The following ATP8A2 variants were observed in gnomAD, a reference collection of about 807,000 sequenced individuals.
ATP8A2 encodes the protein phospholipid-transporting ATPase IB.
In ATP8A2, 100 loss-of-function variants were observed where a neutral mutation model predicts 165.6. The observed-to-expected ratio is 0.60, with a 90% confidence interval of 0.51 to 0.71. The LOEUF (loss-of-function observed/expected upper bound fraction) is 0.71, where lower values mean the gene tolerates loss of function less well. Among genes scored for constraint, ATP8A2 ranks in the 30% least tolerant of loss-of-function variants. ATP8A2 has a pLI of 0.00. For missense variants in ATP8A2, 1,227 were observed against 1,479.5 expected (o/e 0.83, Z 2.80); for synonymous variants, 543 against 548.8 (o/e 0.99, Z 0.15).
chr13:25,393,525 C>T (rs911649064), intron 1 of ATP8A2, among the ~76,000 whole-genome samples: 1 of 152,192 alleles, frequency 6.6e-6, no homozygotes, highest in Non-Finnish European at 1.5e-5. Flanking sequence ...AAGTGACTCT[C>T]CTGCCTCAGC....
rs6491088 is a variant in ATP8A2 at position 25,699,247 on chromosome 13, G to C, written c.2286G>C (p.Leu762=). The change falls in exon 25 of 37, where the codon CTG becomes CTC. Residue 762 remains leucine (L), a synonymous_variant. Coordinates refer to ENST00000381655, the MANE Select transcript of ATP8A2 (RefSeq NM_016529.6). ...NLLGKENDVA[L]IIDGHTLKYA... ...TGGGCAAGGAAAATGACGTGGCCCT[G>C]ATCATCGATGGCCACACCCTGAAGT... The C allele has an allele frequency of 1, 1,610,921 of 1,613,582 alleles. 804,172 individuals are homozygous for C. Among genetic ancestry groups the C allele is most frequent in the East Asian group, 1 (44,856 of 44,856 alleles).
intron 24 of ATP8A2, among the ~76,000 whole-genome samples, chr13:25,694,252 A>G (rs1395482999): frequency 2.0e-5 from 3 of 152,200 alleles, no homozygotes; most frequent in Non-Finnish European, 1.5e-5. Context: ...GCCACAGGCA[A>G]TGGGCTCCAC....
At chr13:26,010,082 A>C (rs1235860849) in intron 35 of ATP8A2, among the ~76,000 whole-genome samples, 1 of 152,146 alleles carries the variant, frequency 6.6e-6, no homozygotes, top group East Asian at 1.9e-4. Context: ...AAAAGAAAAA[A>C]ATTAATTATA....
At position 25,530,593 on chromosome 13, in the gene ATP8A2, A is replaced by G. The variant is rs1325926402; in HGVS notation, c.353A>G (p.Tyr118Cys). 5 of 1,590,946 alleles carry G rather than the reference A, an allele frequency of 3.1e-6. No homozygotes were observed. Among genetic ancestry groups the G allele is most frequent in the Non-Finnish European group, 3.4e-6 (4 of 1,165,406 alleles). ...QIPDVSPTGR[Y>C]TTLVPLIIIL... ...CCAGATGTATCTCCAACAGGAAGAT[A>G]TACCACCCTGGTGCCATTGATCATT... The change falls in exon 4 of 37, where the codon TAT becomes TGT. Residue 118 changes from tyrosine to cysteine, a missense_variant. Tyr to Cys is a radical substitution (Grantham distance 194). Transcript: ENST00000381655.
intron 2 of ATP8A2, among the ~76,000 whole-genome samples, chr13:25,513,981 AGAGGGGGAGGGG>A (rs1213398201): frequency 1.3e-3 from 72 of 54,878 alleles, no homozygotes; most frequent in Admixed American, 1.6e-3. Flanking sequence ...GGGGAGTGGG[AGAGGGGGAGGGG>A]GAGGGGGAGG....
At chr13:26,002,185 C>T (rs1956641207) in intron 35 of ATP8A2, among the ~76,000 whole-genome samples, 1 of 152,136 alleles carries the variant, frequency 6.6e-6, no homozygotes. Flanking sequence ...AAGTATATAA[C>T]ACATTATTAT....
intron 2 of ATP8A2, among the ~76,000 whole-genome samples, chr13:25,484,036 G>T (rs533904353): frequency 5.3e-5 from 8 of 152,288 alleles, no homozygotes; most frequent in Non-Finnish European, 1.0e-4. Flanking sequence ...AGGGTCTTTT[G>T]TACATATATG....
At chr13:25,431,906 C>G (rs1323754463) in intron 1 of ATP8A2, among the ~76,000 whole-genome samples, 1 of 152,122 alleles carries the variant, frequency 6.6e-6, no homozygotes, top group African/African-American at 2.4e-5. Flanking sequence ...TCCCTGTCTC[C>G]CAGCTCCTGA....
At chr13:25,888,068 A>ACC (rs71080210) in intron 33 of ATP8A2, among the ~76,000 whole-genome samples, 2,494 of 105,510 alleles carry the variant, frequency 0.024, 61 homozygotes, top group African/African-American at 0.035. Flanking sequence ...AAGAACCCAG[A>ACC]CCCCCCCCCC....
At chr13:25,866,816 C>T (rs894116421) in intron 33 of ATP8A2, among the ~76,000 whole-genome samples, 2 of 152,136 alleles carry the variant, frequency 1.3e-5, no homozygotes, top group African/African-American at 4.8e-5. Context: ...TGTTTTAGCT[C>T]CTGCTGGGTG....
At chr13:25,626,437 G>T (rs895077298) in intron 24 of ATP8A2, among the ~76,000 whole-genome samples, 1 of 152,168 alleles carries the variant, frequency 6.6e-6, no homozygotes, top group African/African-American at 2.4e-5. Flanking sequence ...CCATTGTAGG[G>T]GTCCCACCCT....
At position 26,010,156 on chromosome 13, in the gene ATP8A2, C is replaced by T. The variant is rs571142783; in HGVS notation, c.3378-2375C>T. 1.2e-4 allele frequency among the ~76,000 whole-genome samples: 18 copies of T among 152,374 alleles called. No individual in the cohort carries two copies. In the East Asian group the frequency reaches 3.3e-3, roughly 28 times the overall value. ...GGCATCTAGGCGGCGTCTGCCAGCA[C>T]AGGAGCCCTGCCAGCAAAGCCCCAT... is the stretch of plus-strand genomic sequence containing the variant. On this transcript the variant is annotated intron_variant, in intron 35 of 36. Transcript: ENST00000381655.
At chr13:25,431,512 A>C (rs565796788) in intron 1 of ATP8A2, among the ~76,000 whole-genome samples, 6 of 152,000 alleles carry the variant, frequency 3.9e-5, no homozygotes, top group African/African-American at 1.4e-4. Flanking sequence ...CGGGGGGGGA[A>C]TCTCATACAA....
intron 2 of ATP8A2, among the ~76,000 whole-genome samples, chr13:25,492,479 ATTCTCT>A (rs2036557005): frequency 6.6e-6 from 1 of 152,198 alleles, no homozygotes; most frequent in Non-Finnish European, 1.5e-5. Flanking sequence ...TACAAAAAAA[ATTCTCT>A]TGGTGTGAAA....
chr13:25,805,872 T>C (rs546213605), intron 27 of ATP8A2, among the ~76,000 whole-genome samples: 3 of 152,308 alleles, frequency 2.0e-5, no homozygotes, highest in Middle Eastern at 3.4e-3. Context: ...AGTTTTTTTT[T>C]CTGGACTATT....
intron 13 of ATP8A2, among the ~76,000 whole-genome samples, chr13:25,555,519 C>T (rs1300043053): frequency 6.6e-6 from 1 of 152,128 alleles, no homozygotes; most frequent in Non-Finnish European, 1.5e-5. Context: ...CACCTTTACC[C>T]CTGAACTCCT....
chr13:25,552,161 A>G (rs1420232228), intron 11 of ATP8A2, among the ~76,000 whole-genome samples: 1 of 151,960 alleles, frequency 6.6e-6, no homozygotes, highest in Admixed American at 6.5e-5. Context: ...TAATTTTTGT[A>G]TATTTAGTAG....
At chr13:25,588,196 G>A (rs2039975427) in intron 23 of ATP8A2, among the ~76,000 whole-genome samples, 1 of 152,056 alleles carries the variant, frequency 6.6e-6, no homozygotes, top group South Asian at 2.1e-4. Flanking sequence ...ATTTGATCTT[G>A]GAGGTGCTTT....
intron 1 of ATP8A2, among the ~76,000 whole-genome samples, chr13:25,448,960 C>A (rs930794288): frequency 6.6e-6 from 1 of 152,160 alleles, no homozygotes. Flanking sequence ...CCACCGTGCC[C>A]AGCCAATAAA....
Sources: allele counts gnomAD v4.1 joint callset (sites outside exome capture counted in the v4.1 genomes callset), GRCh38; gene constraint gnomAD v4.1.1; transcripts MANE v1.5; gene names NCBI Gene and HGNC (gene_info 2026-07-23, HGNC 2026-07-21).